Variants in TRIM14 observed in about 807,000 individuals in gnomAD.
TRIM14 encodes tripartite motif-containing protein 14.
A neutral mutation model predicts 44.5 loss-of-function variants in TRIM14; 28 were observed. The ratio of observed to expected loss-of-function variants is 0.63; its 90% CI spans 0.47 to 0.86. The LOEUF is 0.86. TRIM14 is among the 40% of genes least tolerant of loss of function. The pLI is 0.00. For synonymous variants in TRIM14, 299 were observed against 269.2 expected (o/e 1.11, Z -1.08); for missense variants, 607 against 611.1 (o/e 0.99, Z 0.07).
chr9:98,053,537 C>G, the TRIM14 span, among the ~76,000 whole-genome samples: 1 of 152,158 alleles, frequency 6.6e-6, no homozygotes, highest in Admixed American at 6.6e-5. Context: ...AAAACAAATT[C>G]ATAGCACTAA....
the TRIM14 span, among the ~76,000 whole-genome samples, chr9:98,044,368 CTTTTTTTTTTTTT>C: frequency 9.0e-6 from 1 of 110,504 alleles, no homozygotes; most frequent in Non-Finnish European, 1.8e-5. Flanking sequence ...TGCCCTTTCT[CTTTTTTTTTTTTT>C]TTTTTTTTTT....
At position 98,091,897 on chromosome 9, in the gene TRIM14, C is replaced by CG. The variant is rs765187907; in HGVS notation, c.793+11dup. On this transcript the variant is annotated intron_variant, in intron 5 of 5. Transcript: ENST00000341469. ...ACCGTCTCCACCCTATCCCCACTCC[C>CG]GGGGGTCTTACATTTCAGCAATAGC... 8.2e-6 allele frequency: 13 copies of CG among 1,581,952 alleles called. No individual in the cohort carries two copies. The highest frequency in any genetic ancestry group is 1.3e-5 in the African/African-American group (1 of 74,324).
In TRIM14 at chr9:98,095,288, C is replaced by T. The variant is rs527390060; in HGVS notation, c.538-259G>A. On this transcript the variant is annotated intron_variant, in intron 3 of 5. Coordinates refer to ENST00000341469, the MANE Select transcript of TRIM14 (RefSeq NM_014788.4). This position sits in a 1 kb window ranked among gnomAD's most constrained non-coding sequence, Gnocchi z 4.1. ...CCTCCCTCTCCATCCTTCCTCCTTT[C>T]CTTCCTTCCTTACGTGTTCATTGAA... Among the ~76,000 whole-genome samples, 1 of 152,346 alleles carries T rather than the reference C, an allele frequency of 6.6e-6. No homozygotes were observed. Among genetic ancestry groups the T allele is most frequent in the African/African-American group, 2.4e-5 (1 of 41,570 alleles).
intron 3 of TRIM14, among the ~76,000 whole-genome samples, 184 bp downstream of exon 3, chr9:98,099,747 G>A (rs568114747): frequency 2.8e-4 from 42 of 152,234 alleles, no homozygotes; most frequent in Non-Finnish European, 6.0e-4. Flanking sequence ...CCCAAGAGGT[G>A]TATTATCTTC....
At chr9:98,093,870 C>T (rs1474828101) in intron 4 of TRIM14, among the ~76,000 whole-genome samples, 3 of 152,190 alleles carry the variant, frequency 2.0e-5, no homozygotes, top group East Asian at 1.9e-4. Flanking sequence ...CTCAGCTTCC[C>T]GAGTAGCTGG....
At chr9:98,118,801 TTG>T (rs1475920860) in intron 1 of TRIM14, among the ~76,000 whole-genome samples, 179 bp downstream of exon 1, 7 of 152,352 alleles carry the variant, frequency 4.6e-5, no homozygotes, top group Non-Finnish European at 2.9e-5. Context: ...TTGCCCTTCC[TTG>T]GGTCTCAGGC....
chr9:98,078,518 C>T (rs1156347988), intron 6 of TRIM14, among the ~76,000 whole-genome samples: 2 of 152,172 alleles, frequency 1.3e-5, no homozygotes, highest in Admixed American at 6.5e-5. Context: ...GAAGCACATA[C>T]ATTCTAAAGA....
intron 6 of TRIM14, chr9:98,074,638 C>G (rs1231490992): frequency 6.6e-6 from 1 of 152,154 alleles, no homozygotes; most frequent in Non-Finnish European, 1.5e-5. Flanking sequence ...TGGCCTTTTT[C>G]TTTACTTGAA....
At chr9:98,114,784 G>A (rs1826987481) in intron 1 of TRIM14, among the ~76,000 whole-genome samples, 2 of 152,150 alleles carry the variant, frequency 1.3e-5, no homozygotes, top group Non-Finnish European at 2.9e-5. Context: ...TTAAGCAAAA[G>A]CTTCCAGAAC....
At chr9:98,115,384 G>A (rs1353364741) in intron 1 of TRIM14, among the ~76,000 whole-genome samples, 1 of 152,182 alleles carries the variant, frequency 6.6e-6, no homozygotes, top group Non-Finnish European at 1.5e-5. Flanking sequence ...CCGAGTAGCT[G>A]GGATTACAGG....
chr9:98,117,353 G>A (rs933664850), intron 1 of TRIM14, among the ~76,000 whole-genome samples: 4 of 151,900 alleles, frequency 2.6e-5, no homozygotes, highest in Non-Finnish European at 5.9e-5. Flanking sequence ...GCTGGAGTGC[G>A]GTGGCGTGAT....
At chr9:98,088,469 C>T (rs1169927664) in intron 5 of TRIM14, among the ~76,000 whole-genome samples, 1 of 152,188 alleles carries the variant, frequency 6.6e-6, no homozygotes, top group Non-Finnish European at 1.5e-5. Flanking sequence ...ATTCTCCTGC[C>T]TCAGCCTCCC....
chr9:98,037,100 G>A, the TRIM14 span, among the ~76,000 whole-genome samples: 4 of 151,712 alleles, frequency 2.6e-5, no homozygotes, highest in East Asian at 3.9e-4. Context: ...AGAAGGGGCC[G>A]GGCACGGTGG....
At chr9:98,100,728 G>T (rs950465006) in intron 2 of TRIM14, among the ~76,000 whole-genome samples, 1 of 152,092 alleles carries the variant, frequency 6.6e-6, no homozygotes, top group Non-Finnish European at 1.5e-5. Context: ...GCTTTTAAAA[G>T]AACTCAAATT....
intron 2 of TRIM14, among the ~76,000 whole-genome samples, chr9:98,103,220 A>C (rs1480002832): frequency 6.6e-6 from 1 of 152,016 alleles, no homozygotes; most frequent in Non-Finnish European, 1.5e-5. Flanking sequence ...ACAATGCAGT[A>C]GACCTATATG....
the TRIM14 span, among the ~76,000 whole-genome samples, chr9:98,041,261 GA>G: frequency 1.3e-3 from 191 of 148,522 alleles, no homozygotes; most frequent in African/African-American, 4.2e-3. Context: ...CAAATTGCAG[GA>G]AAAAAAAAAC....
chr9:98,094,154 T>C (rs959198245), intron 4 of TRIM14, among the ~76,000 whole-genome samples: 6 of 152,226 alleles, frequency 3.9e-5, no homozygotes, highest in African/African-American at 1.4e-4. Flanking sequence ...GGAGCTTTGT[T>C]TTGTGCCCTG....
chr9:98,057,019 G>A, the TRIM14 span: 2 of 1,444,960 alleles, frequency 1.4e-6, no homozygotes, highest in South Asian at 1.4e-5. Flanking sequence ...AGGGCCACAC[G>A]GCCTCCGCGG....
chr9:98,039,712 A>T, the TRIM14 span, among the ~76,000 whole-genome samples: 1 of 151,806 alleles, frequency 6.6e-6, no homozygotes, highest in Non-Finnish European at 1.5e-5. Flanking sequence ...CCAGGAACTG[A>T]CTCTGTGCAA....
Sources: allele counts gnomAD v4.1 joint callset (sites outside exome capture counted in the v4.1 genomes callset), GRCh38; gene constraint gnomAD v4.1.1; non-coding constraint Gnocchi (gnomAD v3.1); transcripts MANE v1.5; gene names NCBI Gene and HGNC (gene_info 2026-07-23, HGNC 2026-07-21).